SLC16A1: variants seen among roughly 807,000 people sequenced by gnomAD.
SLC16A1 encodes the protein solute carrier family 16 member 1.
In SLC16A1, 11 loss-of-function variants were observed where a neutral mutation model predicts 32.2. The observed-to-expected ratio is 0.34, with a 90% confidence interval of 0.21 to 0.56. The LOEUF is 0.56. SLC16A1 is among the 20% of genes least tolerant of loss of function. The pLI is 0.87. For synonymous variants in SLC16A1, 231 were observed against 226.8 expected (o/e 1.02, Z -0.17); for missense variants, 435 against 615.0 (o/e 0.71, Z 3.10).
intron 1 of SLC16A1, among the ~76,000 whole-genome samples, chr1:112,944,327 T>C (rs1649616842): frequency 6.6e-6 from 1 of 152,116 alleles, no homozygotes; most frequent in East Asian, 1.9e-4. Context: ...TGGCACACAC[T>C]TGTGGTCCCA....
At chr1:112,941,488 G>A (rs570942316) in intron 1 of SLC16A1, among the ~76,000 whole-genome samples, 47 of 152,166 alleles carry the variant, frequency 3.1e-4, no homozygotes, top group African/African-American at 1.1e-3. Context: ...TCTCCATGTT[G>A]GTCAGGCTGG....
chr1:112,948,499 T>A (rs1201412079), intron 1 of SLC16A1, among the ~76,000 whole-genome samples: 1 of 152,102 alleles, frequency 6.6e-6, no homozygotes, highest in African/African-American at 2.4e-5. Context: ...GAGTCTAGCC[T>A]AAAATATACA....
chr1:112,928,834 C>T (rs1282332323), intron 2 of SLC16A1, among the ~76,000 whole-genome samples: 1 of 152,140 alleles, frequency 6.6e-6, no homozygotes, highest in East Asian at 1.9e-4. Flanking sequence ...GTCTTTTAAA[C>T]TCAATGATAC....
chr1:112,932,248 A>G (rs1649158271), intron 1 of SLC16A1, among the ~76,000 whole-genome samples: 1 of 152,154 alleles, frequency 6.6e-6, no homozygotes, highest in South Asian at 2.1e-4. Flanking sequence ...AGAAGAAATA[A>G]AATAGGCCAG....
chr1:112,918,863 CA>C (rs1412947599), intron 3 of SLC16A1, among the ~76,000 whole-genome samples: 1 of 151,904 alleles, frequency 6.6e-6, no homozygotes, highest in African/African-American at 2.4e-5. Context: ...ACTATAGCAC[CA>C]AAACTTAAAA....
chr1:112,929,973 C>T (rs1387202281), intron 1 of SLC16A1, among the ~76,000 whole-genome samples: 1 of 152,140 alleles, frequency 6.6e-6, no homozygotes, highest in Non-Finnish European at 1.5e-5. Context: ...ACTTGGGGAC[C>T]CTTCCAGACT....
intron 1 of SLC16A1, among the ~76,000 whole-genome samples, chr1:112,946,492 C>T (rs1289645122): frequency 1.3e-5 from 2 of 152,102 alleles, no homozygotes; most frequent in East Asian, 1.9e-4. Context: ...TGATGTAATG[C>T]TTTCTAGATC....
chr1:112,941,276 A>AC (rs1439437209), intron 1 of SLC16A1, among the ~76,000 whole-genome samples: 1 of 124,474 alleles, frequency 8.0e-6, no homozygotes, highest in Non-Finnish European at 1.6e-5. Context: ...ACCTCTTCAC[A>AC]CCTTTTTTTT....
intron 1 of SLC16A1, among the ~76,000 whole-genome samples, chr1:112,932,400 G>A (rs1232335715): frequency 6.6e-6 from 1 of 152,088 alleles, no homozygotes; most frequent in Non-Finnish European, 1.5e-5. Flanking sequence ...GGGTGTGGTG[G>A]TACACATCTG....
chr1:112,941,807 T>C (rs188425998), intron 1 of SLC16A1, among the ~76,000 whole-genome samples: 346 of 152,260 alleles, frequency 2.3e-3, no homozygotes, highest in South Asian at 6.6e-3. Context: ...TGTGCTAAAT[T>C]TGTGATACGT....
chr1:112,930,297 G>A (rs1649084640), intron 1 of SLC16A1, among the ~76,000 whole-genome samples: 1 of 152,124 alleles, frequency 6.6e-6, no homozygotes, highest in African/African-American at 2.4e-5. Flanking sequence ...CACCCAGTTG[G>A]TGTCTCCTAC....
At chr1:112,924,191 C>A (rs993276408) in intron 2 of SLC16A1, 1 of 1,511,186 alleles carries the variant, frequency 6.6e-7, no homozygotes, top group Non-Finnish European at 9.2e-7. Flanking sequence ...AGGGTGCCCA[C>A]GGGGACGCAG....
chr1:112,919,759 A>G (rs890361700), intron 3 of SLC16A1, among the ~76,000 whole-genome samples: 21 of 152,238 alleles, frequency 1.4e-4, no homozygotes, highest in African/African-American at 4.8e-4. Context: ...AATAAGCTCT[A>G]CGGTCTATGA....
intron 1 of SLC16A1, among the ~76,000 whole-genome samples, chr1:112,929,566 C>T (rs1330562503): frequency 6.6e-6 from 1 of 151,954 alleles, no homozygotes; most frequent in Non-Finnish European, 1.5e-5. Context: ...AAAAAATTAG[C>T]TGGGTATGGT....
At chr1:112,943,255 A>G (rs1649572019) in intron 1 of SLC16A1, among the ~76,000 whole-genome samples, 1 of 152,212 alleles carries the variant, frequency 6.6e-6, no homozygotes, top group East Asian at 1.9e-4. Flanking sequence ...TCCAGTGTCT[A>G]CTAAAAGCAC....
At chr1:112,925,019 G>A (rs1213090963) in intron 2 of SLC16A1, among the ~76,000 whole-genome samples, 2 of 152,138 alleles carry the variant, frequency 1.3e-5, no homozygotes, top group African/African-American at 2.4e-5. Flanking sequence ...TCAACACAAC[G>A]TGGGTGTAAC....
intron 3 of SLC16A1, among the ~76,000 whole-genome samples, chr1:112,919,849 C>T (rs143655778): frequency 3.2e-4 from 49 of 152,252 alleles, no homozygotes; most frequent in Admixed American, 9.2e-4. Flanking sequence ...GAGCCCTGAC[C>T]TTCATTGCTT....
chr1:112,953,598 T>C (rs1649976483), intron 1 of SLC16A1, among the ~76,000 whole-genome samples: 1 of 152,204 alleles, frequency 6.6e-6, no homozygotes, highest in South Asian at 2.1e-4. Context: ...GGCCCTCCAT[T>C]TTCTCATACT....
intron 2 of SLC16A1, chr1:112,924,050 T>C (rs1335125084): frequency 7.7e-7 from 1 of 1,292,086 alleles, no homozygotes; most frequent in Non-Finnish European, 1.1e-6. Flanking sequence ...TCTACAGGAA[T>C]CGCTTCTGGA....
Sources: allele counts gnomAD v4.1 joint callset (sites outside exome capture counted in the v4.1 genomes callset), GRCh38; gene constraint gnomAD v4.1.1; transcripts MANE v1.5; gene names NCBI Gene and HGNC (gene_info 2026-07-23, HGNC 2026-07-21).